Variants in IL1RAPL1 observed in about 807,000 individuals in gnomAD.
IL1RAPL1 encodes interleukin 1 receptor accessory protein like 1, also known as interleukin-1 receptor accessory protein-like 1.
In IL1RAPL1, 3 loss-of-function variants were observed where a neutral mutation model predicts 48.4. The observed-to-expected ratio is 0.06, with a 90% confidence interval of 0.03 to 0.16. The LOEUF is 0.16. Ranked by LOEUF, IL1RAPL1 falls within the 10% of genes least tolerant of loss-of-function variation. The probability of loss-of-function intolerance (pLI) is 1.00; values close to 1 mark genes in which losing one functional copy is unlikely to be tolerated. For missense variants in IL1RAPL1, 349 were observed against 530.6 expected (o/e 0.66, Z 3.36); for synonymous variants, 185 against 187.7 (o/e 0.99, Z 0.12).
In IL1RAPL1 at chrX:28,950,574, A is replaced by G. The variant is rs778171572; in HGVS notation, c.82+161149A>G. Among the ~76,000 whole-genome samples, 3 of 100,929 alleles carry G rather than the reference A, an allele frequency of 3.0e-5. No individual in the cohort carries two copies. The South Asian group carries it at 1.5e-3, about 51-fold the overall frequency. 87.6% of individuals were successfully genotyped at this position (100,929 alleles called of 115,157 possible). A position where few individuals can be genotyped will look rare whatever the true frequency, so the allele number is the denominator to read the frequency against. On this transcript the variant is annotated intron_variant, in intron 2 of 10. Coordinates refer to ENST00000378993, the MANE Select transcript of IL1RAPL1 (RefSeq NM_014271.4). ...ATATTGATTCTTCCTACCCATGAGC[A>G]TGGAATGTTCTTCCATTTGTTTGTA... is the stretch of plus-strand genomic sequence containing the variant.
chrX:29,149,814 G>C (rs1271281754), intron 2 of IL1RAPL1, among the ~76,000 whole-genome samples: 4 of 111,789 alleles, frequency 3.6e-5, no homozygotes, highest in African/African-American at 1.3e-4. Flanking sequence ...TTATAACCCT[G>C]GGGATTCGTT....
chrX:29,497,603 T>C (rs760246018), intron 5 of IL1RAPL1, among the ~76,000 whole-genome samples: 2 of 111,674 alleles, frequency 1.8e-5, no homozygotes, highest in African/African-American at 6.5e-5. Flanking sequence ...TCATTTTCAG[T>C]GTCATTCATG....
chrX:29,515,039 G>C (rs1332379007), intron 5 of IL1RAPL1, among the ~76,000 whole-genome samples: 3 of 112,493 alleles, frequency 2.7e-5, no homozygotes, highest in Non-Finnish European at 5.6e-5. Flanking sequence ...TCTAGTCATA[G>C]AAACTTTCAT....
chrX:29,931,435 A>C, intron 8 of IL1RAPL1, among the ~76,000 whole-genome samples: 1 of 111,575 alleles, frequency 9.0e-6, no homozygotes, highest in Non-Finnish European at 1.9e-5. Flanking sequence ...ATTACCAACA[A>C]ATTTTGCCAC....
intron 3 of IL1RAPL1, among the ~76,000 whole-genome samples, chrX:29,325,859 C>A (rs1185514884): frequency 9.0e-6 from 1 of 111,587 alleles, no homozygotes; most frequent in Non-Finnish European, 1.9e-5. Context: ...CAGTGCATCA[C>A]GTGGTTAAGA....
At chrX:29,493,406 A>G (rs757172429) in intron 5 of IL1RAPL1, among the ~76,000 whole-genome samples, 4 of 112,378 alleles carry the variant, frequency 3.6e-5, no homozygotes, top group Non-Finnish European at 7.5e-5. Context: ...TGTAAATACG[A>G]TTTATTTATT....
intron 5 of IL1RAPL1, among the ~76,000 whole-genome samples, chrX:29,418,071 G>A (rs1204450075): frequency 1.1e-5 from 1 of 90,942 alleles, no homozygotes; most frequent in Non-Finnish European, 2.1e-5. Context: ...ACAGAGAAAC[G>A]TGTTCTTTTT....
intron 2 of IL1RAPL1, among the ~76,000 whole-genome samples, chrX:28,811,096 C>G (rs1296161772): frequency 1.8e-5 from 2 of 110,463 alleles, no homozygotes; most frequent in Admixed American, 1.9e-4. Context: ...AAATACTATC[C>G]AATTAAGTGT....
intron 5 of IL1RAPL1, among the ~76,000 whole-genome samples, chrX:29,403,778 C>G (rs28887487): frequency 3.6e-5 from 4 of 111,909 alleles, no homozygotes; most frequent in African/African-American, 1.3e-4. Flanking sequence ...AAAACTGGTT[C>G]TCACCATCTG....
intron 1 of IL1RAPL1, among the ~76,000 whole-genome samples, chrX:28,641,505 A>C (rs953567772): frequency 9.0e-6 from 1 of 111,645 alleles, no homozygotes; most frequent in African/African-American, 3.3e-5. Flanking sequence ...TGCTAGTGTG[A>C]ATAGTGCGTG....
chrX:29,540,100 T>G (rs1361544104), intron 5 of IL1RAPL1, among the ~76,000 whole-genome samples: 1 of 111,751 alleles, frequency 8.9e-6, no homozygotes, highest in Non-Finnish European at 1.9e-5. Context: ...ACAAAACCAG[T>G]GTACAAAAAT....
intron 1 of IL1RAPL1, among the ~76,000 whole-genome samples, chrX:28,722,951 T>TG (rs1409260967): frequency 2.7e-5 from 3 of 111,553 alleles, no homozygotes; most frequent in Non-Finnish European, 3.8e-5. Context: ...GTCCACTTGA[T>TG]CATGGTGGAT....
At chrX:29,011,557 TAGA>T (rs1926122187) in intron 2 of IL1RAPL1, among the ~76,000 whole-genome samples, 1 of 112,579 alleles carries the variant, frequency 8.9e-6, no homozygotes, top group African/African-American at 3.2e-5. Context: ...TATGAAATTC[TAGA>T]AACTGCAAAC....
At chrX:29,320,443 T>C (rs1476634956) in intron 3 of IL1RAPL1, among the ~76,000 whole-genome samples, 1 of 111,986 alleles carries the variant, frequency 8.9e-6, no homozygotes, top group Non-Finnish European at 1.9e-5. Context: ...TTACATAAAA[T>C]AATCTGAAAC....
At chrX:29,653,642 A>G (rs1193260393) in intron 5 of IL1RAPL1, among the ~76,000 whole-genome samples, 3 of 111,269 alleles carry the variant, frequency 2.7e-5, no homozygotes, top group Non-Finnish European at 5.7e-5. Context: ...GACTTGTGAT[A>G]GACTTGTTTT....
chrX:28,638,564 G>A (rs1427720874), intron 1 of IL1RAPL1, among the ~76,000 whole-genome samples: 2 of 109,501 alleles, frequency 1.8e-5, no homozygotes, highest in African/African-American at 3.3e-5. Flanking sequence ...TGGGCAATAG[G>A]AAAAATACAT....
At chrX:29,537,721 G>A (rs985624659) in intron 5 of IL1RAPL1, among the ~76,000 whole-genome samples, 5 of 110,316 alleles carry the variant, frequency 4.5e-5, no homozygotes, top group South Asian at 3.8e-4. Flanking sequence ...AGAACAGAAT[G>A]TAAATATTAT....
intron 2 of IL1RAPL1, among the ~76,000 whole-genome samples, chrX:28,997,779 T>G (rs1199065033): frequency 3.6e-5 from 4 of 111,140 alleles, no homozygotes; most frequent in African/African-American, 1.3e-4. Context: ...AGATCCCATG[T>G]TCCCCCCACC....
chrX:29,242,610 G>C (rs1184563833), intron 2 of IL1RAPL1, among the ~76,000 whole-genome samples: 1 of 112,271 alleles, frequency 8.9e-6, no homozygotes, highest in Non-Finnish European at 1.9e-5. Flanking sequence ...TGTTATAAAG[G>C]CTACCAAGGA....
Sources: allele counts gnomAD v4.1 joint callset (sites outside exome capture counted in the v4.1 genomes callset), GRCh38; gene constraint gnomAD v4.1.1; transcripts MANE v1.5; gene names NCBI Gene and HGNC (gene_info 2026-07-23, HGNC 2026-07-21).